The following ZNF565 variants were observed in gnomAD, a reference collection of about 807,000 sequenced individuals.
ZNF565 encodes zinc finger protein 565.
A neutral mutation model predicts 39.4 loss-of-function variants in ZNF565; 27 were observed. The ratio of observed to expected loss-of-function variants is 0.69; its 90% confidence interval spans 0.51 to 0.95. ZNF565 has a LOEUF of 0.95. ZNF565 is among the 40% of genes least tolerant of loss of function. The pLI is 0.00. For missense variants in ZNF565, 524 were observed against 621.1 expected (o/e 0.84, Z 1.66); for synonymous variants, 185 against 216.6 (o/e 0.85, Z 1.28).
chr19:36,237,451 G>A, intron 1 of ZNF565: 1 of 1,140,262 alleles, frequency 8.8e-7, no homozygotes, highest in Non-Finnish European at 1.2e-6. Context: ...AAAACTTAAG[G>A]GACACCAGAA....
chr19:36,182,457 C>G lies in ZNF565; in HGVS notation c.*9G>C, dbSNP rs150334930. On this transcript the variant is annotated 3_prime_UTR_variant, in exon 5 of 5. Transcript: ENST00000304116. ...AAGGCTTATCTTTATCCCTTACACT[C>G]AAGGCTTTCTAACCAGTATGAATTC... 243 of 1,545,284 alleles carry G rather than the reference C, an allele frequency of 1.6e-4. 1 individual carries two copies. The East Asian group carries it at 4.4e-3, about 28-fold the overall frequency.
intron 1 of ZNF565, chr19:36,237,333 G>C: frequency 6.4e-7 from 1 of 1,570,232 alleles, no homozygotes; most frequent in South Asian, 1.2e-5. Context: ...CCCCATGAAA[G>C]CCTTGAAAGT....
chr19:36,211,350 G>A (rs889936868), intron 1 of ZNF565, among the ~76,000 whole-genome samples: 1 of 151,988 alleles, frequency 6.6e-6, no homozygotes, highest in Admixed American at 6.6e-5. Flanking sequence ...GGCTGAGGCA[G>A]GAGAATCGCT....
At chr19:36,194,761 A>G in intron 3 of ZNF565, 1 of 564,296 alleles carries the variant, frequency 1.8e-6, no homozygotes, top group Non-Finnish European at 3.2e-6. Flanking sequence ...TGGCTTTGGC[A>G]GACAGAAAGC....
chr19:36,204,489 T>C lies in ZNF565; in HGVS notation c.-65-2439A>G, dbSNP rs1479671403. Among the ~76,000 whole-genome samples, 9 of 152,344 alleles carry C rather than the reference T, an allele frequency of 5.9e-5. No individual in the cohort carries two copies. In the East Asian group the frequency reaches 1.5e-3, roughly 26 times the overall value. On this transcript the variant is annotated intron_variant, in intron 1 of 4. Transcript: ENST00000304116. ...TTTGAAGAAAGGTCTAGACCAGTGC[T>C]GTCCAAATAATGTTCTGTGATGATG...
chr19:36,223,866 A>G (rs572297721), intron 1 of ZNF565, among the ~76,000 whole-genome samples: 9 of 152,024 alleles, frequency 5.9e-5, no homozygotes, highest in Admixed American at 2.6e-4. Context: ...AAAAAATTGT[A>G]GAGATAAGAT....
chr19:36,186,557 G>A (rs1975307118), intron 4 of ZNF565, among the ~76,000 whole-genome samples: 1 of 151,816 alleles, frequency 6.6e-6, no homozygotes, highest in Admixed American at 6.6e-5. Flanking sequence ...GGAGGCTGAG[G>A]CAGGTGGGTC....
chr19:36,212,935 CT>C (rs1976414595), intron 1 of ZNF565: 1 of 152,162 alleles, frequency 6.6e-6, no homozygotes, highest in South Asian at 2.1e-4. Flanking sequence ...TGTACTTGAA[CT>C]TGGCACCTTT....
intron 1 of ZNF565, among the ~76,000 whole-genome samples, chr19:36,239,557 T>A (rs1284405245): frequency 6.6e-6 from 1 of 152,090 alleles, no homozygotes; most frequent in African/African-American, 2.4e-5. Context: ...ACTCCTGGGG[T>A]GAAGTGATTC....
chr19:36,225,088 G>C (rs1977011329), intron 1 of ZNF565, among the ~76,000 whole-genome samples: 1 of 152,066 alleles, frequency 6.6e-6, no homozygotes, highest in Non-Finnish European at 1.5e-5. Flanking sequence ...ATCATGATTT[G>C]CTTTTCAGTG....
In ZNF565 at chr19:36,245,061, C is replaced by A. The variant is rs950416757; in HGVS notation, c.55+415G>T. Reference sequence around the variant, plus strand: ...GCTAGGCTAGAAACTGTTGGAAACTCTTAATTTATCATGTGACGTTTTATT... The same window carrying A: ...GCTAGGCTAGAAACTGTTGGAAACTATTAATTTATCATGTGACGTTTTATT... On this transcript the variant is annotated intron_variant, in intron 1 of 4. Transcript: ENST00000355114. This position sits in a 1 kb window ranked among gnomAD's most constrained non-coding sequence, Gnocchi z 4.4. Among the ~76,000 whole-genome samples, 42 of 152,166 alleles carry A rather than the reference C, an allele frequency of 2.8e-4. No homozygotes were observed. The highest frequency in any genetic ancestry group is 9.6e-4 in the African/African-American group (40 of 41,522).
chr19:36,210,360 G>T (rs1460539196), intron 1 of ZNF565, among the ~76,000 whole-genome samples: 1 of 144,788 alleles, frequency 6.9e-6, no homozygotes, highest in East Asian at 2.1e-4. Flanking sequence ...GGAGGTGGAG[G>T]TTGCAGTGAG....
At chr19:36,233,169 T>G (rs1977464110) in intron 1 of ZNF565, among the ~76,000 whole-genome samples, 1 of 152,162 alleles carries the variant, frequency 6.6e-6, no homozygotes, top group South Asian at 2.1e-4. Flanking sequence ...GATCACCAGA[T>G]GTCAGGAGTT....
At chr19:36,215,182 G>C (rs1237550520), upstream of ZNF565, 2 of 152,218 alleles carry the variant, frequency 1.3e-5, no homozygotes, top group African/African-American at 4.8e-5. Context: ...GGTCCACGTG[G>C]CGCGAAAGTA....
intron 1 of ZNF565, among the ~76,000 whole-genome samples, chr19:36,224,056 T>A (rs774357440): frequency 2.6e-5 from 4 of 152,160 alleles, no homozygotes; most frequent in Non-Finnish European, 4.4e-5. Flanking sequence ...TTTTTCCAAT[T>A]GGCTACCACG....
rs79014995 is a variant in ZNF565, at chr19:36,193,771, A to G, written c.232+462T>C. Among the ~76,000 whole-genome samples the G allele has an allele frequency of 5.5e-3, 838 of 152,122 alleles. 10 individuals are homozygous for G. The highest frequency in any genetic ancestry group is 0.019 in the African/African-American group (804 of 41,518). ...ATAAGTTTTTCTAAGGGATGAAGACACTTGTAGAAAAAAGGATCTGGCTAG... is the reference window on the plus strand; with the variant it reads ...ATAAGTTTTTCTAAGGGATGAAGACGCTTGTAGAAAAAAGGATCTGGCTAG... On this transcript the variant is annotated intron_variant, in intron 4 of 4. Transcript: ENST00000304116.
At chr19:36,226,479 A>G (rs928919864) in intron 1 of ZNF565, among the ~76,000 whole-genome samples, 1 of 152,220 alleles carries the variant, frequency 6.6e-6, no homozygotes, top group South Asian at 2.1e-4. Flanking sequence ...TTGGAATAGT[A>G]CAGAGAAGTC....
intron 1 of ZNF565, among the ~76,000 whole-genome samples, chr19:36,211,234 G>A (rs1483600797): frequency 6.7e-6 from 1 of 149,478 alleles, no homozygotes; most frequent in Non-Finnish European, 1.5e-5. Context: ...CCTGAGATCA[G>A]GAGTTCGAGA....
chr19:36,221,927 C>CCTTTTTTTTTTT (rs1976859611), intron 1 of ZNF565, among the ~76,000 whole-genome samples: 1 of 109,912 alleles, frequency 9.1e-6, no homozygotes, highest in African/African-American at 3.5e-5. Flanking sequence ...TTTTTTCTTT[C>CCTTTTTTTTTTT]TTTTTTTTTT....
Sources: allele counts gnomAD v4.1 joint callset (sites outside exome capture counted in the v4.1 genomes callset), GRCh38; gene constraint gnomAD v4.1.1; non-coding constraint Gnocchi (gnomAD v3.1); transcripts MANE v1.5; gene names NCBI Gene and HGNC (gene_info 2026-07-23, HGNC 2026-07-21).